The following PALM2AKAP2 variants were observed in gnomAD, a reference collection of about 807,000 sequenced individuals.
The protein encoded by PALM2AKAP2 is PALM2-AKAP2 fusion protein.
A neutral mutation model predicts 71.5 loss-of-function variants in PALM2AKAP2; 37 were observed. That is an observed-to-expected ratio of 0.52 (90% CI 0.40 to 0.68). The LOEUF (loss-of-function observed/expected upper bound fraction) is 0.68. Ranked by LOEUF, PALM2AKAP2 falls within the 30% of genes least tolerant of loss-of-function variation. PALM2AKAP2 has a pLI of 0.00. For missense variants in PALM2AKAP2, 1,224 were observed against 1,191.8 expected, an observed-to-expected ratio of 1.03 and a Z score of -0.40; for synonymous variants, 468 against 478.8, an observed-to-expected ratio of 0.98 and a Z score of 0.29.
chr9:109,866,975 G>A, intron 1 of PALM2AKAP2: 1 of 454,844 alleles, frequency 2.2e-6, no homozygotes, highest in Admixed American at 2.4e-5. Context: ...GTCCAACTGG[G>A]TGATTTGTCC....
In PALM2AKAP2 at chr9:109,830,561, T is replaced by C. The variant is rs561447388; in HGVS notation, c.46-36930T>C. On this transcript the variant is annotated intron_variant, in intron 1 of 9. Coordinates refer to the PALM2AKAP2 transcript ENST00000302798. ...AACCTATTGAGGAAAAAAGAAAGAA[T>C]AATATTAGCCCAAGCAGTGGTTCTA... Among the ~76,000 whole-genome samples the C allele has an allele frequency of 3.3e-5, 5 of 152,256 alleles. No homozygotes were observed. In the South Asian group the frequency reaches 6.2e-4, roughly 19 times the overall value.
chr9:109,961,708 C>A (rs1354101101), intron 6 of PALM2AKAP2, among the ~76,000 whole-genome samples: 1 of 152,212 alleles, frequency 6.6e-6, no homozygotes, highest in Admixed American at 6.5e-5. Context: ...CTTGGCAATT[C>A]TCCATGATAC....
chr9:109,833,225 C>T (rs1490350604), intron 1 of PALM2AKAP2, among the ~76,000 whole-genome samples: 6 of 152,108 alleles, frequency 3.9e-5, no homozygotes, highest in Admixed American at 1.3e-4. Context: ...TGTGGTGGCA[C>T]ACACCTGTAA....
At chr9:110,011,337 G>A in intron 6 of PALM2AKAP2, among the ~76,000 whole-genome samples, 1 of 151,554 alleles carries the variant, frequency 6.6e-6, no homozygotes, top group Non-Finnish European at 1.5e-5. Flanking sequence ...ACTAATAATA[G>A]AAATACATCA....
intron 6 of PALM2AKAP2, among the ~76,000 whole-genome samples, chr9:110,007,568 A>G (rs922909554): frequency 5.9e-5 from 9 of 152,170 alleles, no homozygotes; most frequent in African/African-American, 2.2e-4. Context: ...GTATGACACT[A>G]TATTGTACTT....
chr9:110,038,514 T>A (rs1833453259), intron 7 of PALM2AKAP2, among the ~76,000 whole-genome samples: 1 of 152,038 alleles, frequency 6.6e-6, no homozygotes, highest in Non-Finnish European at 1.5e-5. Context: ...GACCACTGGG[T>A]TTGGCAACCT....
intron 3 of PALM2AKAP2, among the ~76,000 whole-genome samples, chr9:109,901,976 T>A (rs1337487308): frequency 1.3e-5 from 2 of 152,220 alleles, no homozygotes; most frequent in Non-Finnish European, 2.9e-5. Context: ...CCTTTTCTTT[T>A]TCTTTTTTTA....
intron 1 of PALM2AKAP2, among the ~76,000 whole-genome samples, chr9:109,702,434 C>G (rs1828075740): frequency 6.6e-6 from 1 of 152,140 alleles, no homozygotes; most frequent in Admixed American, 6.5e-5. Context: ...GAGTTCGTGT[C>G]CTTTGTAGGG....
chr9:109,781,378 G>C (rs1306849966), intron 1 of PALM2AKAP2, among the ~76,000 whole-genome samples: 1 of 152,162 alleles, frequency 6.6e-6, no homozygotes, highest in East Asian at 1.9e-4. Flanking sequence ...AATGATTACT[G>C]CTGCCGTATG....
chr9:109,969,335 A>G (rs1240465075), intron 6 of PALM2AKAP2, among the ~76,000 whole-genome samples: 4 of 152,298 alleles, frequency 2.6e-5, no homozygotes, highest in Admixed American at 6.5e-5. Context: ...CTCGCCTGAA[A>G]CAGTCTCCCG....
chr9:109,973,576 C>T (rs980312596), intron 6 of PALM2AKAP2, among the ~76,000 whole-genome samples: 1 of 151,440 alleles, frequency 6.6e-6, no homozygotes, highest in Non-Finnish European at 1.5e-5. Context: ...AGGGGAGTAT[C>T]CTCCTCCCAT....
At chr9:110,077,358 A>G (rs951915984) in intron 1 of PALM2AKAP2, among the ~76,000 whole-genome samples, 9 of 152,248 alleles carry the variant, frequency 5.9e-5, no homozygotes, top group Non-Finnish European at 1.3e-4. Context: ...TAATTACTAT[A>G]ATAGTACATT....
At chr9:110,147,848 TA>T (rs1836216772) in intron 2 of PALM2AKAP2, among the ~76,000 whole-genome samples, 1 of 152,208 alleles carries the variant, frequency 6.6e-6, no homozygotes, top group Non-Finnish European at 1.5e-5. Context: ...GAGCCTGAAA[TA>T]AATAACCGAA....
intron 5 of PALM2AKAP2, among the ~76,000 whole-genome samples, chr9:109,931,046 A>G (rs965937238): frequency 6.6e-6 from 1 of 152,208 alleles, no homozygotes; most frequent in African/African-American, 2.4e-5. Context: ...TCGTGATGCA[A>G]GGAAGGGATC....
intron 1 of PALM2AKAP2, among the ~76,000 whole-genome samples, chr9:109,771,790 A>G (rs979365303): frequency 1.3e-5 from 2 of 152,154 alleles, no homozygotes; most frequent in African/African-American, 4.8e-5. Flanking sequence ...TGAAGGACCA[A>G]CAGGAGGCAC....
Position 109,664,315 on chromosome 9 carries a change from G to A in PALM2AKAP2, c.5+23449G>A, listed in dbSNP as rs190832260. Among the ~76,000 whole-genome samples, 319 of 152,152 alleles carry A rather than the reference G, an allele frequency of 2.1e-3. 3 individuals carry two copies. The highest frequency in any genetic ancestry group is 7.4e-3 in the African/African-American group (308 of 41,504). ...TCTTTACAGTTTTGCCTGTTTTTGCGGTGGCTGGTACCGGTTGTTTCTTTC... is the reference window on the plus strand; with the variant it reads ...TCTTTACAGTTTTGCCTGTTTTTGCAGTGGCTGGTACCGGTTGTTTCTTTC... On this transcript the variant is annotated intron_variant, in intron 1 of 6. Coordinates refer to the PALM2AKAP2 transcript ENST00000374531.
At chr9:109,730,058 A>C (rs1054635603) in intron 1 of PALM2AKAP2, among the ~76,000 whole-genome samples, 1 of 152,220 alleles carries the variant, frequency 6.6e-6, no homozygotes, top group African/African-American at 2.4e-5. Flanking sequence ...GAGGAGACAG[A>C]AGTTACCTTG....
chr9:109,722,718 G>C (rs755860210), intron 1 of PALM2AKAP2, among the ~76,000 whole-genome samples: 1 of 152,166 alleles, frequency 6.6e-6, no homozygotes, highest in African/African-American at 2.4e-5. Context: ...GCCGTAGTGA[G>C]CCTTGGTTGC....
chr9:110,154,060 A>G (rs535894506), intron 2 of PALM2AKAP2, among the ~76,000 whole-genome samples: 52 of 152,352 alleles, frequency 3.4e-4, no homozygotes, highest in African/African-American at 1.2e-3. Flanking sequence ...AAGAGATGCA[A>G]AAATTTTATG....
Sources: gnomAD v4.1 joint callset for allele counts (sites outside exome capture counted in the v4.1 genomes callset) on GRCh38, gnomAD v4.1.1 for gene constraint, MANE v1.5 for transcripts, NCBI Gene and HGNC (gene_info 2026-07-23, HGNC 2026-07-21) for gene names.